CACNA1S: variants seen among roughly 807,000 people sequenced by gnomAD.
CACNA1S encodes the protein calcium voltage-gated channel subunit alpha1 S.
In CACNA1S, 126 loss-of-function variants were observed where a neutral mutation model predicts 207.4. The observed-to-expected ratio is 0.61, with a 90% CI of 0.53 to 0.70. The LOEUF (loss-of-function observed/expected upper bound fraction) is 0.70, where lower values mean the gene tolerates loss of function less well. Ranked by LOEUF, CACNA1S falls within the 30% of genes least tolerant of loss-of-function variation. CACNA1S has a pLI of 0.00. For missense variants in CACNA1S, 2,349 were observed against 2,422.8 expected (o/e 0.97, Z 0.64); for synonymous variants, 960 against 932.7 (o/e 1.03, Z -0.53).
At chr1:201,079,255 G>A (rs1572052016) in intron 10 of CACNA1S, among the ~76,000 whole-genome samples, 2 of 151,814 alleles carry the variant, frequency 1.3e-5, no homozygotes, top group East Asian at 3.9e-4. Flanking sequence ...CCCCTGCCCT[G>A]CCACATTTGC....
At chr1:201,068,535 G>A (rs374540691) in intron 19 of CACNA1S, among the ~76,000 whole-genome samples, 21 of 150,422 alleles carry the variant, frequency 1.4e-4, no homozygotes, top group East Asian at 8.0e-4. Context: ...GAGCCACTGC[G>A]CCCGGCCACC....
chr1:201,085,389 G>C, intron 8 of CACNA1S, 47 bp downstream of exon 8: 2 of 1,612,472 alleles, frequency 1.2e-6, no homozygotes, highest in Non-Finnish European at 1.7e-6. Flanking sequence ...TCAGAGGTGG[G>C]AGTGAGAGAG....
intron 2 of CACNA1S, among the ~76,000 whole-genome samples, chr1:201,101,479 G>A (rs1186601946): frequency 6.6e-6 from 1 of 152,204 alleles, no homozygotes; most frequent in African/African-American, 2.4e-5. Context: ...AAAGTAAAAC[G>A]TTTAGCAACT....
rs752724350 is a variant in CACNA1S, at chr1:201,089,456, C to A, written c.702G>T (p.Val234=). 51 of 1,613,922 alleles carry A rather than the reference C, an allele frequency of 3.2e-5. No individual in the cohort carries two copies. In the East Asian group the frequency reaches 4.5e-4, roughly 14 times the overall value. ...ATGGCTCTTCATTCTCCACCGTGGC[C>A]ACGATATCTGGAGGCAGAAGGCAAA... ...KTCYFIGTDI[V]ATVENEEPSP... The change falls in exon 6 of 44, where the codon GTG becomes GTT. Residue 234 remains valine (V), a synonymous_variant. Coordinates refer to ENST00000362061, the MANE Select transcript of CACNA1S (RefSeq NM_000069.3).
intron 10 of CACNA1S, among the ~76,000 whole-genome samples, chr1:201,080,716 C>T (rs577526917): frequency 6.8e-6 from 1 of 147,852 alleles, no homozygotes; most frequent in South Asian, 2.1e-4. Flanking sequence ...TGGCTCTGTT[C>T]CTTATTTGGT....
At chr1:201,088,080 C>G in intron 6 of CACNA1S, 151 bp from the exon 7 acceptor site, 2 of 692,258 alleles carry the variant, frequency 2.9e-6, no homozygotes, top group Admixed American at 2.0e-5. Context: ...GAGGACTAGT[C>G]TGGAAGAACT....
chr1:201,062,103 G>A lies in CACNA1S; in HGVS notation c.2907-13C>T. The A allele has an allele frequency of 6.2e-7, 1 of 1,612,672 alleles. No individual in the cohort carries two copies. The highest frequency in any genetic ancestry group is 8.5e-7 in the Non-Finnish European group (1 of 1,179,452). ...GTAGTAGTAGCCCCTGTGGCAGGGA[G>A]GCCCAGTCACTCCACAGGGCATGGC... On this transcript the variant is annotated splice_polypyrimidine_tract_variant and intron_variant, in intron 23 of 43. Transcript: ENST00000362061.
intron 10 of CACNA1S, among the ~76,000 whole-genome samples, chr1:201,079,129 AAAAC>A (rs1166041022): frequency 2.0e-5 from 3 of 150,364 alleles, no homozygotes; most frequent in Non-Finnish European, 4.4e-5. Context: ...CAAAAAAAAA[AAAAC>A]AAAAAAACCC....
intron 36 of CACNA1S, 132 bp downstream of exon 36, chr1:201,048,450 G>T: frequency 1.3e-6 from 1 of 781,594 alleles, no homozygotes; most frequent in South Asian, 1.5e-5. Flanking sequence ...TTGTGCCCAT[G>T]GCCTGGGGTC....
At chr1:201,044,541 C>G (rs1009164464) in intron 38 of CACNA1S, 85 bp from the exon 39 acceptor site, 2 of 1,504,084 alleles carry the variant, frequency 1.3e-6, no homozygotes, top group Non-Finnish European at 1.8e-6. Context: ...GACAGAGTCT[C>G]ACTCTGTTGC....
chr1:201,085,670 T>C, intron 7 of CACNA1S, 89 bp from the exon 8 acceptor site: 6 of 1,495,928 alleles, frequency 4.0e-6, no homozygotes, highest in Non-Finnish European at 5.5e-6. Flanking sequence ...ACAAGCCCAT[T>C]CTGTGACTGG....
intron 2 of CACNA1S, among the ~76,000 whole-genome samples, chr1:201,096,123 G>T (rs1439803914): frequency 6.6e-6 from 1 of 152,240 alleles, no homozygotes; most frequent in Non-Finnish European, 1.5e-5. Context: ...ACCTGCCACT[G>T]CCTGTCTGGC....
In CACNA1S at chr1:201,058,557, C is replaced by A. The variant is rs890083043; in HGVS notation, c.3526-66G>T. On this transcript the variant is annotated intron_variant, in intron 27 of 43. Transcript: ENST00000362061. Reference sequence around the variant, plus strand: ...GGGAGGAAGGAGCTCTGGCTGCTGGCAGAGGACAGTGTCCCACCCGAGCTA... The same window carrying A: ...GGGAGGAAGGAGCTCTGGCTGCTGGAAGAGGACAGTGTCCCACCCGAGCTA... The A allele has an allele frequency of 5.2e-5, 68 of 1,306,362 alleles. No homozygotes were observed. The Middle Eastern group carries it at 6.8e-4, about 13-fold the overall frequency. The allele number at this position is 1,306,362 out of a possible 1,614,324, so 80.9% of individuals were successfully genotyped here. A position where few individuals can be genotyped will look rare whatever the true frequency, so the allele number is the denominator to read the frequency against.
At chr1:201,104,534 C>G (rs549523850) in intron 2 of CACNA1S, among the ~76,000 whole-genome samples, 2 of 152,222 alleles carry the variant, frequency 1.3e-5, no homozygotes, top group Non-Finnish European at 2.9e-5. Context: ...CAATCCTATT[C>G]CATCATTCTC....
At chr1:201,100,280 T>G (rs1022726059) in intron 2 of CACNA1S, among the ~76,000 whole-genome samples, 2 of 152,216 alleles carry the variant, frequency 1.3e-5, no homozygotes, top group African/African-American at 2.4e-5. Context: ...GGGAATGAGG[T>G]GTCTGCTAAA....
chr1:201,089,157 G>A, intron 6 of CACNA1S, 101 bp downstream of exon 6: 1 of 1,092,990 alleles, frequency 9.1e-7, no homozygotes, highest in Non-Finnish European at 1.4e-6. Flanking sequence ...ACGCAAGTCA[G>A]AGACTGGCCT....
chr1:201,072,108 C>T (rs1288946062), intron 16 of CACNA1S, among the ~76,000 whole-genome samples: 2 of 152,198 alleles, frequency 1.3e-5, no homozygotes, highest in Admixed American at 6.5e-5. Flanking sequence ...GGCCCCAGGG[C>T]TCTGTCAGGT....
chr1:201,049,864 C>CTTAA (rs1387323665), intron 34 of CACNA1S, among the ~76,000 whole-genome samples: 1 of 152,196 alleles, frequency 6.6e-6, no homozygotes, highest in East Asian at 1.9e-4. Context: ...GGGCAACTTA[C>CTTAA]TTAACCTCTC....
intron 40 of CACNA1S, 112 bp downstream of exon 40, chr1:201,043,169 A>C (rs1660337138): frequency 2.8e-6 from 4 of 1,419,020 alleles, no homozygotes; most frequent in Non-Finnish European, 4.0e-6. Flanking sequence ...GCACAAAGGC[A>C]AGCAAAAGAC....
Sources: allele counts gnomAD v4.1 joint callset (sites outside exome capture counted in the v4.1 genomes callset), GRCh38; gene constraint gnomAD v4.1.1; transcripts MANE v1.5; gene names NCBI Gene and HGNC (gene_info 2026-07-23, HGNC 2026-07-21).